SYT3: variants seen among roughly 807,000 people sequenced by gnomAD.
SYT3 encodes synaptotagmin-3.
SYT3 carries 25 observed loss-of-function variants against 50.6 expected under a neutral mutation model. That is an observed-to-expected ratio of 0.49 (90% CI 0.36 to 0.69). SYT3 has a LOEUF of 0.69. SYT3 is among the 30% of genes least tolerant of loss of function. SYT3 has a pLI of 0.00. For missense variants in SYT3, 589 were observed against 793.6 expected, an observed-to-expected ratio of 0.74 and a Z score of 3.10; for synonymous variants, 323 against 353.9, an observed-to-expected ratio of 0.91 and a Z score of 0.98.
At chr19:50,629,247 G>T (rs1415999120) in intron 6 of SYT3, 47 bp downstream of exon 6, 11 of 1,487,632 alleles carry the variant, frequency 7.4e-6, no homozygotes, top group Non-Finnish European at 1.0e-5. Context: ...AACCCGGGGG[G>T]TCTCAGGGCC....
At chr19:50,631,423 C>G (rs1340457926) in intron 4 of SYT3, among the ~76,000 whole-genome samples, 1 of 152,148 alleles carries the variant, frequency 6.6e-6, no homozygotes, top group Admixed American at 6.5e-5. Context: ...TTCGGCCTCC[C>G]AAAGTGCTGG....
chr19:50,632,761 G>A lies in SYT3; in HGVS notation c.199C>T (p.Leu67Phe). The A allele has an allele frequency of 6.5e-7, 1 of 1,537,420 alleles. No homozygotes were observed. Among genetic ancestry groups the A allele is most frequent in the Non-Finnish European group, 8.7e-7 (1 of 1,145,406 alleles). Residue 67 changes from leucine (L) to phenylalanine (F), a missense_variant, in exon 4 of 11, where the codon CTT becomes TTT. Physicochemically the swap from Leu to Phe is conservative, Grantham distance 22. Around this residue, in one of 2 missense-constraint regions of SYT3, gnomAD observed 316 missense variants for 354.3 expected, o/e 0.89. Transcript: ENST00000600079. This position sits in a 1 kb window ranked among gnomAD's most constrained non-coding sequence, Gnocchi z 4.7. The stretch of plus-strand genomic sequence containing the variant: ...GACACGAAGAGAGAGACACCCAGAA[G>A]GACAATGCCACAGAATGTCACGATG... The part of the protein sequence containing the change: ...SVIVTFCGIV[L>F]LGVSLFVSWK...
chr19:50,628,023 A>G lies in SYT3; in HGVS notation c.1281+1271T>C, dbSNP rs146408941. 6.7e-3 allele frequency among the ~76,000 whole-genome samples: 1,011 copies of G among 151,936 alleles called. 12 individuals carry two copies. The highest frequency in any genetic ancestry group is 0.023 in the African/African-American group (939 of 41,398). Reference sequence around the variant, plus strand: ...GAGGGCCCCATGAAGAAGCCTACCCAAAGAGCTACCCAAAAAGCCTACCTG... The same window carrying G: ...GAGGGCCCCATGAAGAAGCCTACCCGAAGAGCTACCCAAAAAGCCTACCTG... On this transcript the variant is annotated intron_variant, in intron 6 of 10. Coordinates refer to ENST00000600079, the MANE Select transcript of SYT3 (RefSeq NM_001160329.2).
rs1308930834 is a variant in SYT3 at position 50,637,833 on chromosome 19, AAAC to A, written c.-15-410_-15-408del. The A allele has an allele frequency of 5.8e-6, 1 of 171,258 alleles. No individual in the cohort carries two copies. 10.6% of individuals were successfully genotyped at this position (171,258 alleles called of 1,614,324 possible). ...CAAATAAAGGGATGGACAGATGAGG[AAAC>A]AAAGATTAGGGCTGCACAGATGAAG... On this transcript the variant is annotated intron_variant, in intron 2 of 10. Coordinates refer to ENST00000600079, the MANE Select transcript of SYT3 (RefSeq NM_001160329.2). This position sits in a 1 kb window ranked among gnomAD's most constrained non-coding sequence, Gnocchi z 4.9.
At chr19:50,645,995 A>G in the SYT3 span, among the ~76,000 whole-genome samples, 1 of 152,144 alleles carries the variant, frequency 6.6e-6, no homozygotes, top group Non-Finnish European at 1.5e-5. Context: ...GAGCAAATGG[A>G]GGCACAGATA....
chr19:50,640,078 G>A (rs1216641166), upstream of SYT3, among the ~76,000 whole-genome samples: 13 of 152,180 alleles, frequency 8.5e-5, no homozygotes, highest in Non-Finnish European at 1.9e-4. Flanking sequence ...CAGGGTCCGG[G>A]GGCCCAGTTC....
At position 50,626,025 on chromosome 19, in the gene SYT3, T is replaced by C; in HGVS notation, c.1282-8A>G. ...CCCAAGATCTGCTTTTTCCTGCAGT[T>C]GGGGAAAAGGTCAGCGATATCTTGC... On this transcript the variant is annotated splice_polypyrimidine_tract_variant and splice_region_variant and intron_variant, in intron 6 of 10. Transcript: ENST00000600079. The C allele has an allele frequency of 1.2e-6, 2 of 1,613,114 alleles. No homozygotes were observed. Among genetic ancestry groups the C allele is most frequent in the Non-Finnish European group, 1.7e-6 (2 of 1,179,570 alleles).
the SYT3 span, among the ~76,000 whole-genome samples, chr19:50,647,354 G>A: frequency 6.6e-6 from 1 of 151,932 alleles, no homozygotes; most frequent in Non-Finnish European, 1.5e-5. Context: ...CTCACTTGTG[G>A]GGAGAGGAAT....
At chr19:50,627,199 T>C (rs539763240) in intron 6 of SYT3, among the ~76,000 whole-genome samples, 119 of 152,270 alleles carry the variant, frequency 7.8e-4, no homozygotes, top group African/African-American at 2.7e-3. Context: ...CCTCAGGGCA[T>C]CTGCCCAGGC....
rs1324921315 is a variant in SYT3 at position 50,639,236 on chromosome 19, G to A, written c.-153-74C>T. ...TCGAGCCAGCTGCCCGACCCCAGGCGACCCACTGGGAGCCCGGCCACCCCC... is the reference window on the plus strand; with the variant it reads ...TCGAGCCAGCTGCCCGACCCCAGGCAACCCACTGGGAGCCCGGCCACCCCC... On this transcript the variant is annotated intron_variant, in intron 1 of 10. Coordinates refer to ENST00000600079, the MANE Select transcript of SYT3 (RefSeq NM_001160329.2). The surrounding 1 kb of genome is among the most constrained non-coding windows in gnomAD (Gnocchi z 4.6). 1 of 151,732 alleles carries A rather than the reference G, an allele frequency of 6.6e-6. No individual in the cohort carries two copies. 9.4% of individuals were successfully genotyped at this position (151,732 alleles called of 1,614,324 possible).
chr19:50,628,410 A>C (rs1309110129), intron 6 of SYT3, among the ~76,000 whole-genome samples: 1 of 152,104 alleles, frequency 6.6e-6, no homozygotes, highest in Non-Finnish European at 1.5e-5. Flanking sequence ...TATAATCTGG[A>C]TGCTGGGAGA....
rs144406311 is a variant in SYT3, at chr19:50,637,049, C to T, written c.148+215G>A. 7.9e-5 allele frequency among the ~76,000 whole-genome samples: 12 copies of T among 152,170 alleles called. No homozygotes were observed. Among genetic ancestry groups the T allele is most frequent in the African/African-American group, 2.7e-4 (11 of 41,506 alleles). On this transcript the variant is annotated intron_variant, in intron 3 of 10. Coordinates refer to ENST00000600079, the MANE Select transcript of SYT3 (RefSeq NM_001160329.2). This position sits in a 1 kb window ranked among gnomAD's most constrained non-coding sequence, Gnocchi z 4.9. Reference sequence around the variant, plus strand: ...GAAGGGGGCATTTGGTGGTGGTAGTCGGAGGGAGGCCCACAGGGCAAAACT... The same window carrying T: ...GAAGGGGGCATTTGGTGGTGGTAGTTGGAGGGAGGCCCACAGGGCAAAACT...
chr19:50,632,502 C>T lies in SYT3; in HGVS notation c.458G>A (p.Gly153Asp). The T allele has an allele frequency of 6.2e-7, 1 of 1,611,180 alleles. No homozygotes were observed. Among genetic ancestry groups the T allele is most frequent in the South Asian group, 1.1e-5 (1 of 90,976 alleles). The change falls in exon 4 of 11, where the codon GGT becomes GAT. Residue 153 changes from glycine (G) to aspartate (D), a missense_variant. Around this residue, in one of 2 missense-constraint regions of SYT3, gnomAD observed 316 missense variants for 354.3 expected, o/e 0.89. Transcript: ENST00000600079. This position sits in a 1 kb window ranked among gnomAD's most constrained non-coding sequence, Gnocchi z 4.7. ...GTAGGAGGGCTCAGGGGTGTCAGAA[C>T]CCCCCAGGCTGCCTGGCTCCAGCAG... Reference protein sequence around the residue: ...AELLEPGSLGGSDTPEPSYLD... With the variant: ...AELLEPGSLGDSDTPEPSYLD...
chr19:50,640,030 G>T (rs1397467723), upstream of SYT3, among the ~76,000 whole-genome samples: 3 of 152,198 alleles, frequency 2.0e-5, no homozygotes, highest in Non-Finnish European at 2.9e-5. Flanking sequence ...TTCCACACTG[G>T]GGACCCAGAG....
the SYT3 span, among the ~76,000 whole-genome samples, chr19:50,650,998 T>A: frequency 6.6e-6 from 1 of 152,202 alleles, no homozygotes; most frequent in Admixed American, 6.5e-5. Flanking sequence ...TTCATTTCGA[T>A]TTTGCTGTTT....
At position 50,632,719 on chromosome 19, in the gene SYT3, C is replaced by T. The variant is rs773513926; in HGVS notation, c.241G>A (p.Val81Met). 1.2e-5 allele frequency: 19 copies of T among 1,585,504 alleles called. No individual in the cohort carries two copies. Among genetic ancestry groups the T allele is most frequent in the Admixed American group, 1.7e-5 (1 of 57,246 alleles). Residue 81 changes from valine to methionine, a missense_variant, in exon 4 of 11, where the codon GTG becomes ATG. Val to Met is a conservative substitution (Grantham distance 21, BLOSUM62 1). Transcript: ENST00000600079. This position sits in a 1 kb window ranked among gnomAD's most constrained non-coding sequence, Gnocchi z 4.7. ...GAGCCTCCCTTGTCCCGCCAGGGCA[C>T]CCAGCACAACTTCCAGGACACGAAG... ...SLFVSWKLCW[V>M]PWRDKGGSAV...
chr19:50,652,017 T>G, the SYT3 span, among the ~76,000 whole-genome samples: 6,566 of 152,224 alleles, frequency 0.043, 136 homozygotes, highest in Non-Finnish European at 0.048. Flanking sequence ...AGGGACTCAC[T>G]TTGTAACCTA....
the SYT3 span, chr19:50,656,246 T>A: frequency 6.5e-7 from 1 of 1,535,994 alleles, no homozygotes. Context: ...CTGCGGCAGG[T>A]CATTGCAGAG....
In SYT3 at chr19:50,625,077, G is replaced by A. The variant is rs1983993490; in HGVS notation, c.1707+85C>T. The stretch of plus-strand genomic sequence containing the variant: ...TAGGACGCCTGGCTCTGCGACTCAC[G>A]AACATGCAGGGCGTTCGTTGCATGG... On this transcript the variant is annotated intron_variant, in intron 9 of 10. Transcript: ENST00000600079. The surrounding 1 kb of genome is among the most constrained non-coding windows in gnomAD (Gnocchi z 7.5). The A allele has an allele frequency of 2.2e-6, 3 of 1,344,672 alleles. No individual in the cohort carries two copies. Among genetic ancestry groups the A allele is most frequent in the African/African-American group, 1.5e-5 (1 of 67,876 alleles). The allele number at this position is 1,344,672 out of a possible 1,614,324, so 83.3% of individuals were successfully genotyped here.
Sources: gnomAD v4.1 joint callset for allele counts (sites outside exome capture counted in the v4.1 genomes callset) on GRCh38, gnomAD v4.1.1 for gene constraint, gnomAD v4.1.1 regional missense constraint, Gnocchi (gnomAD v3.1) non-coding constraint, MANE v1.5 for transcripts, NCBI Gene and HGNC (gene_info 2026-07-23, HGNC 2026-07-21) for gene names.